FUT5: variants seen among roughly 807,000 people sequenced by gnomAD.
The protein encoded by FUT5 is 4-galactosyl-N-acetylglucosaminide 3-alpha-L-fucosyltransferase FUT5.
Under a neutral mutation model 0.8 loss-of-function variants are expected in FUT5, and 1 was observed. The observed-to-expected ratio is 1.26, with a 90% CI of 0.45 to 5.99. The LOEUF (loss-of-function observed/expected upper bound fraction) is 5.99. FUT5 is among the 30% of genes most tolerant of loss of function. The pLI is 0.15. For synonymous variants in FUT5, 212 were observed against 225.7 expected (o/e 0.94, Z 0.54); for missense variants, 437 against 517.8 (o/e 0.84, Z 1.51).
rs528918375 is a variant in FUT5, at chr19:5,867,061, T to C, written c.665A>G (p.Tyr222Cys). 1 of 1,613,426 alleles carries C rather than the reference T, an allele frequency of 6.2e-7. No homozygotes were observed. Among genetic ancestry groups the C allele is most frequent in the East Asian group, 2.2e-5 (1 of 44,810 alleles). The change falls in exon 2 of 2, where the codon TAC becomes TGC. Residue 222 changes from tyrosine to cysteine, a missense_variant. Transcript: ENST00000588525. The surrounding 1 kb of genome is among the most constrained non-coding windows in gnomAD (Gnocchi z 5.0). ...GAGATGAGCCTGCAGGCTCTGGTAG[T>C]AGCGCACCCTGGCCGAGTCCGGCTT... ...NWKPDSARVR[Y>C]YQSLQAHLKV...
rs755453130 is a variant in FUT5 at position 5,867,064 on chromosome 19, C to G, written c.662G>C (p.Arg221Pro). The G allele has an allele frequency of 6.2e-7, 1 of 1,613,520 alleles. No individual in the cohort carries two copies. Among genetic ancestry groups the G allele is most frequent in the Non-Finnish European group, 8.5e-7 (1 of 1,179,856 alleles). The change falls in exon 2 of 2, where the codon CGC (arginine) becomes CCC (proline). Residue 221 changes from arginine to proline, a missense_variant. Physicochemically the swap from Arg to Pro is moderately radical, Grantham distance 103 (BLOSUM62 -2). Transcript: ENST00000588525. This position sits in a 1 kb window ranked among gnomAD's most constrained non-coding sequence, Gnocchi z 5.0. ...ATGAGCCTGCAGGCTCTGGTAGTAGCGCACCCTGGCCGAGTCCGGCTTCCA... is the reference window on the plus strand; with the variant it reads ...ATGAGCCTGCAGGCTCTGGTAGTAGGGCACCCTGGCCGAGTCCGGCTTCCA... The part of the protein sequence containing the change: ...SNWKPDSARV[R>P]YYQSLQAHLK...
intron 1 of FUT5, among the ~76,000 whole-genome samples, chr19:5,869,550 C>T (rs1246074186): frequency 6.6e-6 from 1 of 152,080 alleles, no homozygotes; most frequent in Non-Finnish European, 1.5e-5. Context: ...CACACCCGGC[C>T]TAAATAAATT....
chr19:5,869,208 T>C (rs1205875096), intron 1 of FUT5, among the ~76,000 whole-genome samples: 1 of 150,576 alleles, frequency 6.6e-6, no homozygotes, highest in Non-Finnish European at 1.5e-5. Flanking sequence ...AGTCTCCATC[T>C]GACCTCGTGA....
At chr19:5,868,212 G>T (rs1363796904) in intron 1 of FUT5, among the ~76,000 whole-genome samples, 1 of 152,124 alleles carries the variant, frequency 6.6e-6, no homozygotes, top group Non-Finnish European at 1.5e-5. Context: ...ATGGGCAGGT[G>T]TGAAGACTCA....
intron 1 of FUT5, among the ~76,000 whole-genome samples, chr19:5,869,828 T>C (rs1311011108): frequency 1.3e-5 from 2 of 152,070 alleles, no homozygotes; most frequent in Non-Finnish European, 2.9e-5. Context: ...ACGTCTGTAA[T>C]ACCAGCAATA....
Position 5,866,486 on chromosome 19 carries a change from CG to C in FUT5, c.*114del, listed in dbSNP as rs2057503259. Reference sequence around the variant, plus strand: ...CCAGGCAGGTGAGACCCCAGGCAGCCGAGGCCCCAGGCAGCCGAGGCCCCAG... The same window carrying C: ...CCAGGCAGGTGAGACCCCAGGCAGCCAGGCCCCAGGCAGCCGAGGCCCCAG... On this transcript the variant is annotated 3_prime_UTR_variant, in exon 2 of 2. Coordinates refer to ENST00000588525, the MANE Select transcript of FUT5 (RefSeq NM_002034.2). The surrounding 1 kb of genome is among the most constrained non-coding windows in gnomAD (Gnocchi z 4.9). 7 of 1,111,498 alleles carry C rather than the reference CG, an allele frequency of 6.3e-6. No homozygotes were observed. The highest frequency in any genetic ancestry group is 2.1e-5 in the African/African-American group (1 of 46,762). 68.9% of individuals were successfully genotyped at this position (1,111,498 alleles called of 1,614,324 possible). A position where few individuals can be genotyped will look rare whatever the true frequency, so the allele number is the denominator to read the frequency against.
chr19:5,867,245 C>T lies in FUT5; in HGVS notation c.481G>A (p.Ala161Thr). ...GTGAGATTGAAGTATCCGTCCAGGG[C>T]TTCCAGGTGCCGGCAGTTGCTGGGG... ...ESPSNCRHLE[A>T]LDGYFNLTMS... Residue 161 changes from alanine to threonine, a missense_variant, in exon 2 of 2, where the codon GCC becomes ACC. Ala to Thr is a moderately conservative substitution (Grantham distance 58). Transcript: ENST00000588525. This position sits in a 1 kb window ranked among gnomAD's most constrained non-coding sequence, Gnocchi z 5.0. The T allele has an allele frequency of 3.1e-6, 5 of 1,613,404 alleles. No homozygotes were observed. Among genetic ancestry groups the T allele is most frequent in the Non-Finnish European group, 4.2e-6 (5 of 1,180,030 alleles).
At chr19:5,869,887 T>G (rs980080407) in intron 1 of FUT5, among the ~76,000 whole-genome samples, 1 of 151,918 alleles carries the variant, frequency 6.6e-6, no homozygotes, top group Non-Finnish European at 1.5e-5. Context: ...CTGGCTAACA[T>G]GGCGAAACCC....
chr19:5,870,066 C>CAAAAAAAA (rs72405451), intron 1 of FUT5, among the ~76,000 whole-genome samples: 283 of 69,590 alleles, frequency 4.1e-3, no homozygotes, highest in East Asian at 9.0e-3. Flanking sequence ...AACTCCATCT[C>CAAAAAAAA]AAAAAAAAAA....
Position 5,867,324 on chromosome 19 carries a change from G to A in FUT5, c.402C>T (p.Leu134=), listed in dbSNP as rs767999133. ...WDIMYNPSAN[L]PPPTRPQGQR... ...GCCCCTGCGGCCTGGTGGGGGGCGG[G>A]AGGTTGGCACTGGGGTTGTACATGA... Residue 134 remains leucine (L), a synonymous_variant, in exon 2 of 2, where the codon CTC becomes CTT. Coordinates refer to ENST00000588525, the MANE Select transcript of FUT5 (RefSeq NM_002034.2). The surrounding 1 kb of genome is among the most constrained non-coding windows in gnomAD (Gnocchi z 5.0). 4 of 1,613,800 alleles carry A rather than the reference G, an allele frequency of 2.5e-6. No homozygotes were observed. In the South Asian group the frequency reaches 4.4e-5, roughly 18 times the overall value.
rs2057505217 is a variant in FUT5, at chr19:5,866,815, A to C, written c.911T>G (p.Ile304Ser). ...YERFLPPDAF[I>S]HVDDFQSPKD... is the part of the protein sequence containing the mutation. ...GGGGCTCTGGAAGTCGTCCACGTGG[A>C]TGAAGGCGTCGGGTGGCAGGAACCT... The change falls in exon 2 of 2, where the codon ATC becomes AGC. Residue 304 changes from isoleucine to serine, a missense_variant. Ile to Ser is a moderately radical substitution (Grantham distance 142). Coordinates refer to ENST00000588525, the MANE Select transcript of FUT5 (RefSeq NM_002034.2). This position sits in a 1 kb window ranked among gnomAD's most constrained non-coding sequence, Gnocchi z 4.9. 1 of 1,603,418 alleles carries C rather than the reference A, an allele frequency of 6.2e-7. No individual in the cohort carries two copies. The highest frequency in any genetic ancestry group is 8.5e-7 in the Non-Finnish European group (1 of 1,176,102).
intron 1 of FUT5, among the ~76,000 whole-genome samples, chr19:5,869,845 G>A (rs1290345111): frequency 6.6e-6 from 1 of 152,038 alleles, no homozygotes; most frequent in Non-Finnish European, 1.5e-5. Context: ...AATATTGGGT[G>A]GATCACCTGA....
At chr19:5,869,546 C>T (rs568074186) in intron 1 of FUT5, among the ~76,000 whole-genome samples, 7 of 152,208 alleles carry the variant, frequency 4.6e-5, no homozygotes, top group East Asian at 1.9e-4. Context: ...CCACCACACC[C>T]GGCCTAAATA....
intron 1 of FUT5, among the ~76,000 whole-genome samples, chr19:5,868,888 T>A (rs1052720223): frequency 1.3e-5 from 2 of 152,170 alleles, no homozygotes; most frequent in Non-Finnish European, 2.9e-5. Context: ...TAGCATGATC[T>A]CAGCTTACTG....
chr19:5,866,338 G>A lies in FUT5; in HGVS notation c.*263C>T, dbSNP rs2057502657. ...CTCCAGAAAGCAAGGTCCCCAGTAGGCACCATCCCCAGCCCCAGCTGGCAA... is the reference window on the plus strand; with the variant it reads ...CTCCAGAAAGCAAGGTCCCCAGTAGACACCATCCCCAGCCCCAGCTGGCAA... On this transcript the variant is annotated 3_prime_UTR_variant, in exon 2 of 2. Transcript: ENST00000588525. This position sits in a 1 kb window ranked among gnomAD's most constrained non-coding sequence, Gnocchi z 4.9. The A allele has an allele frequency of 5.0e-6, 3 of 605,056 alleles. No individual in the cohort carries two copies. In the Admixed American group the frequency reaches 8.9e-5, roughly 18 times the overall value. 37.5% of individuals were successfully genotyped at this position (605,056 alleles called of 1,614,324 possible). A position where few individuals can be genotyped will look rare whatever the true frequency, so the allele number is the denominator to read the frequency against.
In FUT5 at chr19:5,867,630, G is replaced by A; in HGVS notation, c.96C>T (p.Ser32=). 1 of 1,613,586 alleles carries A rather than the reference G, an allele frequency of 6.2e-7. No individual in the cohort carries two copies. The highest frequency in any genetic ancestry group is 8.5e-7 in the Non-Finnish European group (1 of 1,180,026). ...CATCGTCTCGGGACACACGCAGGTAGGAGAAGAAACACACAGCCACCAGCA... is the reference window on the plus strand; with the variant it reads ...CATCGTCTCGGGACACACGCAGGTAAGAGAAGAAACACACAGCCACCAGCA... The part of the protein sequence containing the change: ...FQLLVAVCFF[S]YLRVSRDDAT... The change falls in exon 2 of 2, where the codon TCC becomes TCT. Residue 32 remains serine, a synonymous_variant. Coordinates refer to ENST00000588525, the MANE Select transcript of FUT5 (RefSeq NM_002034.2). The surrounding 1 kb of genome is among the most constrained non-coding windows in gnomAD (Gnocchi z 5.0).
chr19:5,867,793 G>A lies in FUT5; in HGVS notation c.-12-56C>T, dbSNP rs1429244225. On this transcript the variant is annotated intron_variant, in intron 1 of 1. Transcript: ENST00000588525. This position sits in a 1 kb window ranked among gnomAD's most constrained non-coding sequence, Gnocchi z 5.0. ...ATTAAGGAAGATCACCCACTTCCTG[G>A]CCACGTGTCCTGAGAGAAGCTGTTA... is the stretch of plus-strand genomic sequence containing the variant. 2.6e-6 allele frequency: 4 copies of A among 1,553,034 alleles called. No individual in the cohort carries two copies. The highest frequency in any genetic ancestry group is 2.2e-5 in the South Asian group (2 of 89,732).
intron 1 of FUT5, among the ~76,000 whole-genome samples, chr19:5,869,759 G>A (rs1026694285): frequency 6.6e-6 from 1 of 152,072 alleles, no homozygotes. Flanking sequence ...TAACGCTTTG[G>A]ATGTATTGGG....
chr19:5,867,486 C>CA lies in FUT5; in HGVS notation c.239dup (p.Trp81ValfsTer6). The CA allele has an allele frequency of 1.2e-6, 2 of 1,613,042 alleles. No individual in the cohort carries two copies. Among genetic ancestry groups the CA allele is most frequent in the Non-Finnish European group, 1.7e-6 (2 of 1,179,810 alleles). On this transcript the variant is annotated frameshift_variant, in exon 2 of 2. Coordinates refer to ENST00000588525, the MANE Select transcript of FUT5 (RefSeq NM_002034.2). LOFTEE classifies it low-confidence loss of function (END_TRUNC). The surrounding 1 kb of genome is among the most constrained non-coding windows in gnomAD (Gnocchi z 5.0). ...CGGGTGTGTTAAAAGGCCACGTCCACAGCAGGATCAGTAGGGTGGGGTGGG... is the reference window on the plus strand; with the variant it reads ...CGGGTGTGTTAAAAGGCCACGTCCACAAGCAGGATCAGTAGGGTGGGGTGGG...
Sources: gnomAD v4.1 joint callset for allele counts (sites outside exome capture counted in the v4.1 genomes callset) on GRCh38, gnomAD v4.1.1 for gene constraint, Gnocchi (gnomAD v3.1) non-coding constraint, MANE v1.5 for transcripts, NCBI Gene and HGNC (gene_info 2026-07-23, HGNC 2026-07-21) for gene names.